The following PRPF18 variants were observed in gnomAD, a reference collection of about 807,000 sequenced individuals.
PRPF18 encodes pre-mRNA-splicing factor 18.
In PRPF18, 38 loss-of-function variants were observed where a neutral mutation model predicts 46.5. The ratio of observed to expected loss-of-function variants is 0.82; its 90% CI spans 0.63 to 1.07. The LOEUF is 1.07. PRPF18 is among the 50% of genes least tolerant of loss of function. PRPF18 has a pLI of 0.00. For synonymous variants in PRPF18, 152 were observed against 146.7 expected (o/e 1.04, Z -0.26); for missense variants, 263 against 410.0 (o/e 0.64, Z 3.10).
downstream of PRPF18, among the ~76,000 whole-genome samples, chr10:13,632,205 G>A (rs2080596348): frequency 6.6e-6 from 1 of 152,136 alleles, no homozygotes; most frequent in African/African-American, 2.4e-5. Flanking sequence ...GCCGGGCATG[G>A]TGGCGGGTGC....
chr10:13,598,166 G>T (rs1564451695), intron 2 of PRPF18, among the ~76,000 whole-genome samples: 1 of 152,142 alleles, frequency 6.6e-6, no homozygotes, highest in Non-Finnish European at 1.5e-5. Flanking sequence ...GAGTTGTCTG[G>T]AAGGCTTTGC....
At chr10:13,624,866 T>C (rs1446644150) in intron 9 of PRPF18, among the ~76,000 whole-genome samples, 1 of 152,256 alleles carries the variant, frequency 6.6e-6, no homozygotes, top group Non-Finnish European at 1.5e-5. Context: ...CAGGGAGTTT[T>C]TCCATTCAGC....
chr10:13,588,144 C>G (rs2079903976), intron 1 of PRPF18, among the ~76,000 whole-genome samples: 1 of 152,136 alleles, frequency 6.6e-6, no homozygotes, highest in South Asian at 2.1e-4. Context: ...CCGCCGGGCG[C>G]GGTGGCTCAC....
chr10:13,651,589 C>G, the PRPF18 span: 2 of 278,820 alleles, frequency 7.2e-6, no homozygotes, highest in Admixed American at 9.8e-5. Context: ...AGGAGAATCG[C>G]TTGAACCTGG....
At chr10:13,653,913 G>A in the PRPF18 span, 1 of 178,744 alleles carries the variant, frequency 5.6e-6, no homozygotes, top group Non-Finnish European at 1.2e-5. Flanking sequence ...AAGGCTTCAG[G>A]GCACCTGATC....
chr10:13,593,769 T>G (rs918222684), intron 1 of PRPF18, among the ~76,000 whole-genome samples: 2 of 152,180 alleles, frequency 1.3e-5, no homozygotes, highest in African/African-American at 4.8e-5. Flanking sequence ...AGCTCATGAC[T>G]GGAGTTGGGA....
Position 13,625,303 on chromosome 10 carries a change from C to T in PRPF18, c.949-4957C>T, listed in dbSNP as rs545222408. Among the ~76,000 whole-genome samples, 25 of 152,106 alleles carry T rather than the reference C, an allele frequency of 1.6e-4. No homozygotes were observed. In the South Asian group the frequency reaches 2.9e-3, roughly 18 times the overall value. On this transcript the variant is annotated intron_variant, in intron 9 of 9. Coordinates refer to ENST00000378572, the MANE Select transcript of PRPF18 (RefSeq NM_003675.4). ...ACTGCACTCCAGCCTGGGTGACAGA[C>T]GGGTCTGAAAACAAAACAAACAAAA...
chr10:13,654,570 A>C, the PRPF18 span: 1 of 1,136,052 alleles, frequency 8.8e-7, no homozygotes, highest in African/African-American at 1.5e-5. Flanking sequence ...CACAGGTGAA[A>C]GAGCTTGCGA....
chr10:13,587,397 A>G (rs1026549767), intron 1 of PRPF18, among the ~76,000 whole-genome samples: 1 of 152,216 alleles, frequency 6.6e-6, no homozygotes, highest in Non-Finnish European at 1.5e-5. Flanking sequence ...AAGCTGGATC[A>G]AAAGGAAAAC....
chr10:13,653,721 CA>C, the PRPF18 span: 1 of 151,356 alleles, frequency 6.6e-6, no homozygotes, highest in African/African-American at 2.5e-5. Flanking sequence ...GATGATGTCT[CA>C]GGGGCAACAG....
intron 3 of PRPF18, among the ~76,000 whole-genome samples, chr10:13,604,447 C>A (rs1004530578): frequency 6.6e-6 from 1 of 152,160 alleles, no homozygotes; most frequent in African/African-American, 2.4e-5. Flanking sequence ...AATAAATATT[C>A]ATGTAACCAT....
intron 1 of PRPF18, among the ~76,000 whole-genome samples, chr10:13,594,755 A>T (rs1028847776): frequency 1.3e-5 from 2 of 152,168 alleles, no homozygotes; most frequent in South Asian, 4.1e-4. Flanking sequence ...TTCTCACTTG[A>T]CAGCTGGAAT....
At chr10:13,618,615 C>CA (rs68069523) in intron 9 of PRPF18, among the ~76,000 whole-genome samples, 1,990 of 39,784 alleles carry the variant, frequency 0.05, 149 homozygotes, top group Non-Finnish European at 0.069. Context: ...AAGACCCTGT[C>CA]AAAAAAAAAA....
chr10:13,651,169 G>GGGAGACTA, the PRPF18 span: 5 of 152,188 alleles, frequency 3.3e-5, no homozygotes, highest in Non-Finnish European at 7.3e-5. Flanking sequence ...GGTGGTGCCC[G>GGGAGACTA]GGAGACTAGC....
At chr10:13,646,952 T>G in the PRPF18 span, 2 of 980,716 alleles carry the variant, frequency 2.0e-6, no homozygotes, top group Admixed American at 6.1e-5. Context: ...GGTCCCGGGC[T>G]TGGCTTTTTC....
In PRPF18 at chr10:13,601,540, C is replaced by T. The variant is rs117637651; in HGVS notation, c.249+1192C>T. The stretch of plus-strand genomic sequence containing the variant: ...CCTCCTACCCAGTTCTTCACTTGTA[C>T]AAGCGTCAGTGTGTATGTGTATACC... On this transcript the variant is annotated intron_variant, in intron 3 of 9. Coordinates refer to ENST00000378572, the MANE Select transcript of PRPF18 (RefSeq NM_003675.4). Among the ~76,000 whole-genome samples, 134 of 152,314 alleles carry T rather than the reference C, an allele frequency of 8.8e-4. 1 individual carries two copies. The East Asian group carries it at 0.022, about 25-fold the overall frequency.
At chr10:13,619,176 C>T (rs1339244861) in intron 9 of PRPF18, among the ~76,000 whole-genome samples, 3 of 152,138 alleles carry the variant, frequency 2.0e-5, no homozygotes, top group Non-Finnish European at 4.4e-5. Context: ...GCTGTGTGGC[C>T]CATTGCCTGA....
At chr10:13,618,391 G>T (rs1564460507) in intron 9 of PRPF18, among the ~76,000 whole-genome samples, 1 of 152,070 alleles carries the variant, frequency 6.6e-6, no homozygotes, top group Non-Finnish European at 1.5e-5. Flanking sequence ...ACTTCGAGTG[G>T]CTGTGGCGGG....
At chr10:13,607,655 C>T (rs1370933250) in intron 4 of PRPF18, among the ~76,000 whole-genome samples, 2 of 152,186 alleles carry the variant, frequency 1.3e-5, no homozygotes, top group South Asian at 2.1e-4. Context: ...AAGGGATCCT[C>T]CCGCCTTGGC....
Sources: gnomAD v4.1 joint callset for allele counts (sites outside exome capture counted in the v4.1 genomes callset) on GRCh38, gnomAD v4.1.1 for gene constraint, MANE v1.5 for transcripts, NCBI Gene and HGNC (gene_info 2026-07-23, HGNC 2026-07-21) for gene names.